ANK2: variants seen among roughly 807,000 people sequenced by gnomAD.
ANK2 encodes ankyrin-2.
A neutral mutation model predicts 360.5 loss-of-function variants in ANK2; 83 were observed. The ratio of observed to expected loss-of-function variants is 0.23; its 90% CI spans 0.19 to 0.28. The LOEUF (loss-of-function observed/expected upper bound fraction) is 0.28. ANK2 is among the 10% of genes least tolerant of loss of function. The pLI, the probability that ANK2 is intolerant of heterozygous loss-of-function variation, is 1.00. For synonymous variants in ANK2, 1,740 were observed against 1,759.5 expected (o/e 0.99, Z 0.28); for missense variants, 4,201 against 4,795.7 (o/e 0.88, Z 3.66).
chr4:112,875,375 G>C (rs745378494), intron 1 of ANK2, among the ~76,000 whole-genome samples: 2 of 152,124 alleles, frequency 1.3e-5, no homozygotes, highest in African/African-American at 4.8e-5. Context: ...GTGCAGTGGT[G>C]CCATCATAGC....
intron 34 of ANK2, among the ~76,000 whole-genome samples, chr4:113,343,901 G>A (rs10008363): frequency 1.1e-3 from 167 of 151,944 alleles, no homozygotes; most frequent in African/African-American, 2.9e-3. Context: ...GGCTTCTGTC[G>A]TTTTTTTTCC....
intron 14 of ANK2, among the ~76,000 whole-genome samples, chr4:113,271,244 G>C (rs948636512): frequency 1.3e-5 from 2 of 152,202 alleles, no homozygotes; most frequent in Admixed American, 6.5e-5. Context: ...ACTATGATCA[G>C]GATAAAAGAT....
the ANK2 span, among the ~76,000 whole-genome samples, chr4:112,757,722 ACTTCT>A: frequency 4.6e-5 from 7 of 152,160 alleles, no homozygotes; most frequent in South Asian, 6.2e-4. Context: ...AATATCTTAT[ACTTCT>A]CTTCACTTTG....
the ANK2 span, among the ~76,000 whole-genome samples, chr4:112,726,963 G>C: frequency 2.0e-4 from 30 of 151,602 alleles, no homozygotes; most frequent in South Asian, 6.3e-4. Context: ...TGGAAAATAC[G>C]TAATAAAATG....
At chr4:113,309,876 T>G (rs754267335) in intron 23 of ANK2, among the ~76,000 whole-genome samples, 7 of 152,204 alleles carry the variant, frequency 4.6e-5, no homozygotes, top group Non-Finnish European at 1.0e-4. Context: ...TTGATATATT[T>G]GATTAAAAAT....
chr4:112,799,446 A>G, the ANK2 span, among the ~76,000 whole-genome samples: 1 of 152,138 alleles, frequency 6.6e-6, no homozygotes, highest in African/African-American at 2.4e-5. Flanking sequence ...AGCAGTTTAC[A>G]AGAGTTCCAA....
chr4:113,037,237 C>T (rs934229777), intron 2 of ANK2, among the ~76,000 whole-genome samples: 2 of 151,850 alleles, frequency 1.3e-5, no homozygotes, highest in African/African-American at 2.4e-5. Context: ...ATTGGTTAGG[C>T]ATAAATAAAA....
chr4:113,240,734 T>G (rs2039317551), intron 8 of ANK2, 151 bp downstream of exon 8: 1 of 713,760 alleles, frequency 1.4e-6, no homozygotes, highest in African/African-American at 1.8e-5. Context: ...TTTCCTTTCT[T>G]TAAATCACAA....
chr4:112,778,291 G>A, the ANK2 span, among the ~76,000 whole-genome samples: 1 of 151,632 alleles, frequency 6.6e-6, no homozygotes, highest in Non-Finnish European at 1.5e-5. Flanking sequence ...TTTTATGCTG[G>A]GTTTGAAGTA....
intron 36 of ANK2, among the ~76,000 whole-genome samples, chr4:113,348,526 T>G (rs1291360001): frequency 6.6e-6 from 1 of 152,164 alleles, no homozygotes; most frequent in Non-Finnish European, 1.5e-5. Context: ...GCCATGTCGC[T>G]ATGCAATACT....
intron 1 of ANK2, among the ~76,000 whole-genome samples, chr4:113,086,502 C>A (rs971896959): frequency 1.3e-5 from 2 of 152,176 alleles, no homozygotes; most frequent in African/African-American, 4.8e-5. Context: ...TGTTCTAGGG[C>A]TGGAGACACT....
chr4:112,975,889 G>A (rs534259353), intron 2 of ANK2, among the ~76,000 whole-genome samples: 2 of 152,120 alleles, frequency 1.3e-5, no homozygotes, highest in African/African-American at 2.4e-5. Context: ...CTATGGGTAC[G>A]TTTGGATATG....
chr4:112,759,129 T>TA, the ANK2 span, among the ~76,000 whole-genome samples: 316 of 152,214 alleles, frequency 2.1e-3, 1 homozygote, highest in Non-Finnish European at 3.7e-3. Flanking sequence ...ATCAGAGCAG[T>TA]CTTTACAAGA....
chr4:112,767,054 GAAT>G, the ANK2 span, among the ~76,000 whole-genome samples: 1 of 152,120 alleles, frequency 6.6e-6, no homozygotes, highest in Non-Finnish European at 1.5e-5. Flanking sequence ...CATATATTTT[GAAT>G]ATCTTATGAT....
intron 41 of ANK2, among the ~76,000 whole-genome samples, chr4:113,366,356 T>G (rs568158136): frequency 1.6e-4 from 24 of 152,010 alleles, no homozygotes; most frequent in African/African-American, 5.3e-4. Context: ...TCTTAAAACA[T>G]TTTCTTTACT....
intron 43 of ANK2, chr4:113,372,752 C>G: frequency 1.5e-6 from 1 of 688,248 alleles, no homozygotes; most frequent in Non-Finnish European, 2.4e-6. Context: ...AAGCAGATCC[C>G]TTAACTCTCA....
the ANK2 span, among the ~76,000 whole-genome samples, chr4:112,768,335 C>T: frequency 1.3e-5 from 2 of 152,044 alleles, no homozygotes; most frequent in Admixed American, 1.3e-4. Flanking sequence ...CTCACTACAA[C>T]CTCTGTCTCC....
rs755080690 is a variant in ANK2 at position 113,373,271 on chromosome 4, G to A, written c.11695-14G>A. 3.7e-6 allele frequency: 6 copies of A among 1,614,036 alleles called. No individual in the cohort carries two copies. The South Asian group carries it at 6.6e-5, about 18-fold the overall frequency. ...TCACACAAAAATAAGATACACAAAT[G>A]AAATACATTTCAGGTTACTAGGAAA... On this transcript the variant is annotated splice_polypyrimidine_tract_variant and intron_variant, in intron 44 of 45. Transcript: ENST00000357077.
intron 2 of ANK2, among the ~76,000 whole-genome samples, chr4:112,935,123 G>GT (rs1491022360): frequency 5.9e-5 from 4 of 67,550 alleles, no homozygotes; most frequent in Non-Finnish European, 7.2e-5. Context: ...CAGAGAAAGT[G>GT]TGTGTGTGTG....
Sources: allele counts gnomAD v4.1 joint callset (sites outside exome capture counted in the v4.1 genomes callset), GRCh38; gene constraint gnomAD v4.1.1; transcripts MANE v1.5; gene names NCBI Gene and HGNC (gene_info 2026-07-23, HGNC 2026-07-21).